Variants in MAP3K4 observed in about 807,000 individuals in gnomAD.
The protein encoded by MAP3K4 is MAP three kinase 1.
Under a neutral mutation model 185.6 loss-of-function variants are expected in MAP3K4, and 67 were observed. The observed-to-expected ratio is 0.36, with a 90% CI of 0.30 to 0.44. The LOEUF (loss-of-function observed/expected upper bound fraction) is 0.44, where lower values mean the gene tolerates loss of function less well. Among genes scored for constraint, MAP3K4 ranks in the 20% least tolerant of loss-of-function variants. The probability of loss-of-function intolerance (pLI) is 1.00; values close to 1 mark genes in which losing one functional copy is unlikely to be tolerated. For missense variants in MAP3K4, 1,551 were observed against 1,995.1 expected, an observed-to-expected ratio of 0.78 and a Z score of 4.24; for synonymous variants, 702 against 710.4, an observed-to-expected ratio of 0.99 and a Z score of 0.19.
At chr6:161,104,018 G>T (rs1370779585) in intron 19 of MAP3K4, among the ~76,000 whole-genome samples, 1 of 152,130 alleles carries the variant, frequency 6.6e-6, no homozygotes, top group African/African-American at 2.4e-5. Flanking sequence ...CGGATACCAG[G>T]TCTTTGCCAT....
rs1390784412 is a variant in MAP3K4, at chr6:161,056,113, A to T, written c.1707+6134A>T. ...TGTTTTAGCCCATTGGAGCTCTTTC[A>T]GTTGCCTTCTGTGTCGTTTGATATG... On this transcript the variant is annotated intron_variant, in intron 3 of 26. Coordinates refer to ENST00000392142, the MANE Select transcript of MAP3K4 (RefSeq NM_005922.4). The surrounding 1 kb of genome is among the most constrained non-coding windows in gnomAD (Gnocchi z 5.4). 1.3e-5 allele frequency among the ~76,000 whole-genome samples: 2 copies of T among 152,064 alleles called. No individual in the cohort carries two copies. The highest frequency in any genetic ancestry group is 6.5e-5 in the Admixed American group (1 of 15,270).
intron 1 of MAP3K4, among the ~76,000 whole-genome samples, chr6:161,030,646 C>T (rs1173849750): frequency 1.3e-5 from 2 of 152,136 alleles, no homozygotes; most frequent in Non-Finnish European, 2.9e-5. Flanking sequence ...AACTCCTGAG[C>T]ACAAGCAATT....
chr6:160,992,479 A>G, intron 1 of MAP3K4: 1 of 224,958 alleles, frequency 4.4e-6, no homozygotes, highest in Non-Finnish European at 8.6e-6. Context: ...CTCTGCCCTC[A>G]TTCGAGTAAA....
chr6:160,997,301 A>G (rs1562468807), intron 1 of MAP3K4, among the ~76,000 whole-genome samples: 1 of 152,148 alleles, frequency 6.6e-6, no homozygotes, highest in African/African-American at 2.4e-5. Context: ...TCTCAGAACA[A>G]TGTGGCAAAG....
At position 161,034,717 on chromosome 6, in the gene MAP3K4, C is replaced by T. The variant is rs1456778662; in HGVS notation, c.343+268C>T. 6.6e-6 allele frequency among the ~76,000 whole-genome samples: 1 copy of T among 152,126 alleles called. No homozygotes were observed. The highest frequency in any genetic ancestry group is 2.4e-5 in the African/African-American group (1 of 41,428). The stretch of plus-strand genomic sequence containing the variant: ...AAGAGGGCAAATGTTTCCCAGTGTA[C>T]TAATACAAGATGGCAACTGGTTACA... On this transcript the variant is annotated intron_variant, in intron 2 of 26. Coordinates refer to ENST00000392142, the MANE Select transcript of MAP3K4 (RefSeq NM_005922.4). The surrounding 1 kb of genome is among the most constrained non-coding windows in gnomAD (Gnocchi z 4.4).
chr6:161,062,571 C>A (rs1375417380), intron 3 of MAP3K4, among the ~76,000 whole-genome samples: 3 of 152,128 alleles, frequency 2.0e-5, no homozygotes, highest in Non-Finnish European at 4.4e-5. Context: ...TTCCTGAGTT[C>A]TGCCATGTTT....
intron 25 of MAP3K4, among the ~76,000 whole-genome samples, chr6:161,113,686 G>T (rs1778454936): frequency 6.7e-6 from 1 of 148,688 alleles, no homozygotes; most frequent in Non-Finnish European, 1.5e-5. Context: ...GCTCTAAAAA[G>T]ATTGTCTGTT....
chr6:161,067,340 A>T lies in MAP3K4; in HGVS notation c.1708-3268A>T, dbSNP rs1784757627. On this transcript the variant is annotated intron_variant, in intron 3 of 26. Coordinates refer to ENST00000392142, the MANE Select transcript of MAP3K4 (RefSeq NM_005922.4). The surrounding 1 kb of genome is among the most constrained non-coding windows in gnomAD (Gnocchi z 6.3). ...GTTACATTTTTTTGAATTTCTGATT[A>T]GCTTCCTTATGCATCGATCTCAGTG... The T allele has an allele frequency of 2.6e-6, 1 of 390,204 alleles. No homozygotes were observed. The highest frequency in any genetic ancestry group is 2.1e-5 in the African/African-American group (1 of 48,196). 24.2% of individuals were successfully genotyped at this position (390,204 alleles called of 1,614,324 possible).
chr6:161,111,144 C>T (rs775058371), intron 23 of MAP3K4, among the ~76,000 whole-genome samples: 1 of 152,344 alleles, frequency 6.6e-6, no homozygotes, highest in South Asian at 2.1e-4. Context: ...TTGACCTCAG[C>T]TCATCAGATG....
rs1255910758 is a variant in MAP3K4 at position 161,080,329 on chromosome 6, TGTG to T, written c.2098-547_2098-545del. ...ACGGGAAAGCTGTTGTAATAGGACT[TGTG>T]GTGGGCATAAATCCCACTTCAGAAC... On this transcript the variant is annotated intron_variant, in intron 5 of 26. Transcript: ENST00000392142. This position sits in a 1 kb window ranked among gnomAD's most constrained non-coding sequence, Gnocchi z 4.8. 6.6e-6 allele frequency among the ~76,000 whole-genome samples: 1 copy of T among 152,164 alleles called. No homozygotes were observed. The highest frequency in any genetic ancestry group is 1.5e-5 in the Non-Finnish European group (1 of 68,024).
chr6:161,107,022 T>TTC lies in MAP3K4; in HGVS notation c.4048+331_4048+332dup, dbSNP rs1270160934. 1.7e-4 allele frequency among the ~76,000 whole-genome samples: 24 copies of TTC among 141,492 alleles called. No homozygotes were observed. Among genetic ancestry groups the TTC allele is most frequent in the African/African-American group, 5.0e-4 (19 of 37,700 alleles). 92.8% of individuals were successfully genotyped at this position (141,492 alleles called of 152,430 possible). A position where few individuals can be genotyped will look rare whatever the true frequency, so the allele number is the denominator to read the frequency against. ...CAAAATTTGACCCATTTGTTCTAGTTTCTCTCTCTCTCTCTACACACGCGC... is the reference window on the plus strand; with the variant it reads ...CAAAATTTGACCCATTTGTTCTAGTTTCTCTCTCTCTCTCTCTACACACGCGC... On this transcript the variant is annotated intron_variant, in intron 20 of 26. Transcript: ENST00000392142. This position sits in a 1 kb window ranked among gnomAD's most constrained non-coding sequence, Gnocchi z 6.2.
In MAP3K4 at chr6:161,097,811, G is replaced by C. The variant is rs1777638103; in HGVS notation, c.3525-467G>C. On this transcript the variant is annotated intron_variant, in intron 16 of 26. Transcript: ENST00000392142. The surrounding 1 kb of genome is among the most constrained non-coding windows in gnomAD (Gnocchi z 4.9). ...TTTTTTAAAGCTTTGAGGGGACCGG[G>C]GTGCGGTGACTCACGCCTGTAATTC... Among the ~76,000 whole-genome samples the C allele has an allele frequency of 6.6e-6, 1 of 152,052 alleles. No individual in the cohort carries two copies. Among genetic ancestry groups the C allele is most frequent in the Non-Finnish European group, 1.5e-5 (1 of 68,006 alleles).
Position 161,115,062 on chromosome 6 carries a change from A to G in MAP3K4, c.4627-61A>G. ...TGAGATGCTTAAAAACAGACTGAAC[A>G]TTTGCGTTGTTTGTGGCTGTGTAAT... is the stretch of plus-strand genomic sequence containing the variant. On this transcript the variant is annotated intron_variant, in intron 25 of 26. Transcript: ENST00000392142. This position sits in a 1 kb window ranked among gnomAD's most constrained non-coding sequence, Gnocchi z 6.0. 4.9e-6 allele frequency: 7 copies of G among 1,430,320 alleles called. No individual in the cohort carries two copies. The highest frequency in any genetic ancestry group is 6.8e-6 in the Non-Finnish European group (7 of 1,034,748). The allele number at this position is 1,430,320 out of a possible 1,614,324, so 88.6% of individuals were successfully genotyped here.
chr6:161,013,299 T>A (rs1781933676), intron 1 of MAP3K4, among the ~76,000 whole-genome samples: 1 of 152,242 alleles, frequency 6.6e-6, no homozygotes, highest in Admixed American at 6.5e-5. Context: ...TCATTTTGTT[T>A]GCTCGTTTTC....
rs1047943140 is a variant in MAP3K4, at chr6:161,051,232, T to G, written c.1707+1253T>G. On this transcript the variant is annotated intron_variant, in intron 3 of 26. Transcript: ENST00000392142. This position sits in a 1 kb window ranked among gnomAD's most constrained non-coding sequence, Gnocchi z 4.2. Reference sequence around the variant, plus strand: ...AGCCAACTGTATATACTTGTTATTTTTATTTTTTTAACTTCATTTTTTTTT... The same window carrying G: ...AGCCAACTGTATATACTTGTTATTTGTATTTTTTTAACTTCATTTTTTTTT... 1.3e-5 allele frequency among the ~76,000 whole-genome samples: 2 copies of G among 152,224 alleles called. No homozygotes were observed. The highest frequency in any genetic ancestry group is 4.8e-5 in the African/African-American group (2 of 41,456).
chr6:161,020,126 A>C (rs1782308598), intron 1 of MAP3K4, among the ~76,000 whole-genome samples: 1 of 152,222 alleles, frequency 6.6e-6, no homozygotes. Flanking sequence ...TATATCCTTT[A>C]GGTGTTGAAT....
At position 161,108,820 on chromosome 6, in the gene MAP3K4, C is replaced by A; in HGVS notation, c.4197C>A (p.His1399Gln). 1 of 1,614,070 alleles carries A rather than the reference C, an allele frequency of 6.2e-7. No homozygotes were observed. Among genetic ancestry groups the A allele is most frequent in the Non-Finnish European group, 8.5e-7 (1 of 1,179,956 alleles). Residue 1399 changes from histidine (H) to glutamine (Q), a missense_variant, in exon 22 of 27, where the codon CAC becomes CAA. This residue lies in a region of MAP3K4 where 159 missense variants were observed against 300.5 expected (regional missense o/e 0.53). Coordinates refer to ENST00000392142, the MANE Select transcript of MAP3K4 (RefSeq NM_005922.4). The surrounding 1 kb of genome is among the most constrained non-coding windows in gnomAD (Gnocchi z 5.7). ...DELKIFEGIKHPNLVRYFGVE... is the reference protein window; with the variant it reads ...DELKIFEGIKQPNLVRYFGVE... Reference sequence around the variant, plus strand: ...TGAAAATATTCGAAGGCATCAAACACCCCAATCTGGTTCGGTATTTTGGTG... The same window carrying A: ...TGAAAATATTCGAAGGCATCAAACAACCCAATCTGGTTCGGTATTTTGGTG...
rs756294424 is a variant in MAP3K4 at position 161,049,559 on chromosome 6, CCCTT to C, written c.1290_1293del (p.Ser431LeufsTer20). The C allele has an allele frequency of 6.2e-7, 1 of 1,614,106 alleles. No homozygotes were observed. The highest frequency in any genetic ancestry group is 2.2e-5 in the East Asian group (1 of 44,884). ...ACATTGGCTGGCCAGTGTTTGAAAT[CCCTT>C]CCCCTCGACCATCCAAAGGTAATGA... On this transcript the variant is annotated frameshift_variant, in exon 3 of 27. Transcript: ENST00000392142. LOFTEE classifies it high-confidence loss of function. The surrounding 1 kb of genome is among the most constrained non-coding windows in gnomAD (Gnocchi z 8.4).
chr6:161,057,035 C>T (rs992430674), intron 3 of MAP3K4, among the ~76,000 whole-genome samples: 1 of 152,096 alleles, frequency 6.6e-6, no homozygotes, highest in Non-Finnish European at 1.5e-5. Flanking sequence ...ATGTAATGTA[C>T]AAAATGTATA....
Sources: allele counts gnomAD v4.1 joint callset (sites outside exome capture counted in the v4.1 genomes callset), GRCh38; gene constraint gnomAD v4.1.1; regional missense constraint gnomAD v4.1.1; non-coding constraint Gnocchi (gnomAD v3.1); transcripts MANE v1.5; gene names NCBI Gene and HGNC (gene_info 2026-07-23, HGNC 2026-07-21).